ENKUR: variants seen among roughly 807,000 people sequenced by gnomAD.
The protein encoded by ENKUR is enkurin, TRPC channel interacting protein.
In ENKUR, 19 loss-of-function variants were observed where a neutral mutation model predicts 27.6. The ratio of observed to expected loss-of-function variants is 0.69; its 90% CI spans 0.48 to 1.01. The LOEUF is 1.01. ENKUR is among the 50% of genes least tolerant of loss of function. The pLI is 0.00. For missense variants in ENKUR, 312 were observed against 310.5 expected (o/e 1.00, Z -0.04); for synonymous variants, 117 against 96.9 (o/e 1.21, Z -1.22).
At chr10:24,989,199 T>C (rs1308197198) in intron 4 of ENKUR, among the ~76,000 whole-genome samples, 1 of 152,186 alleles carries the variant, frequency 6.6e-6, no homozygotes, top group Non-Finnish European at 1.5e-5. Context: ...AGAGACAGAA[T>C]GGGCCACAGA....
At chr10:24,996,332 G>T (rs1365770192) in intron 2 of ENKUR, among the ~76,000 whole-genome samples, 1 of 152,150 alleles carries the variant, frequency 6.6e-6, no homozygotes, top group Admixed American at 6.5e-5. Context: ...TGAGGTGGGA[G>T]GATTGCTTCA....
chr10:24,989,415 C>A (rs1849876435), intron 4 of ENKUR, among the ~76,000 whole-genome samples: 1 of 152,168 alleles, frequency 6.6e-6, no homozygotes. Context: ...CTGGGACATG[C>A]CGTCACTCTA....
At chr10:24,991,059 T>C (rs1208323323) in intron 3 of ENKUR, among the ~76,000 whole-genome samples, 1 of 152,194 alleles carries the variant, frequency 6.6e-6, no homozygotes, top group Non-Finnish European at 1.5e-5. Context: ...AAGGTGCCAC[T>C]GCACTCCAGC....
chr10:24,984,382 G>GGAA lies in ENKUR; in HGVS notation c.765-7_765-6insTTC. On this transcript the variant is annotated splice_polypyrimidine_tract_variant and splice_region_variant and intron_variant, in intron 5 of 5. Coordinates refer to ENST00000331161, the MANE Select transcript of ENKUR (RefSeq NM_145010.4). ...TGTGCTGTTGGTATCATGCGCTGCAGAAAAAAAAAAAAAAAAGTGAAGTTC... is the reference window on the plus strand; with the variant it reads ...TGTGCTGTTGGTATCATGCGCTGCAGGAAAAAAAAAAAAAAAAAAGTGAAGTTC... 7.2e-7 allele frequency: 1 copy of GGAA among 1,397,962 alleles called. No homozygotes were observed. Among genetic ancestry groups the GGAA allele is most frequent in the East Asian group, 2.6e-5 (1 of 38,296 alleles). The allele number at this position is 1,397,962 out of a possible 1,614,324, so 86.6% of individuals were successfully genotyped here.
intron 2 of ENKUR, among the ~76,000 whole-genome samples, chr10:25,045,989 T>G (rs936687264): frequency 6.6e-6 from 1 of 152,230 alleles, no homozygotes; most frequent in Non-Finnish European, 1.5e-5. Flanking sequence ...AGTTCAAATA[T>G]AATTTCCAGA....
At chr10:25,021,733 C>A (rs141182903) in intron 2 of ENKUR, 36 of 152,140 alleles carry the variant, frequency 2.4e-4, no homozygotes, top group African/African-American at 8.7e-4. Flanking sequence ...AAATTTTTTT[C>A]CATTATAGAC....
chr10:25,010,198 C>T (rs112932303), intron 1 of ENKUR, among the ~76,000 whole-genome samples: 38 of 152,160 alleles, frequency 2.5e-4, no homozygotes, highest in African/African-American at 4.1e-4. Context: ...TGGTTTCAGA[C>T]GGAGATGAGG....
At chr10:24,989,425 A>G (rs967652814) in intron 4 of ENKUR, among the ~76,000 whole-genome samples, 3 of 152,200 alleles carry the variant, frequency 2.0e-5, no homozygotes, top group Non-Finnish European at 2.9e-5. Flanking sequence ...CCGTCACTCT[A>G]CATTTTCAGG....
chr10:24,995,858 C>T lies in ENKUR; in HGVS notation c.235G>A (p.Asp79Asn), dbSNP rs1272817229. 5.0e-6 allele frequency: 8 copies of T among 1,603,158 alleles called. No individual in the cohort carries two copies. In the Admixed American group the frequency reaches 8.7e-5, roughly 17 times the overall value. The change falls in exon 3 of 6, where the codon GAT (aspartate) becomes AAT (asparagine). Residue 79 changes from aspartate to asparagine, a missense_variant. By Grantham distance (23) the Asp-to-Asn change is conservative. Coordinates refer to ENST00000331161, the MANE Select transcript of ENKUR (RefSeq NM_145010.4). ...GCAGGCTTTTTGGGCACGTTCCGAT[C>T]AAAGTTTTTTTCTGTTAAATATAAC... ...EKTLPPKKNF[D>N]RNVPKKPAVP...
At chr10:25,010,507 A>C (rs1850416960) in intron 1 of ENKUR, among the ~76,000 whole-genome samples, 1 of 151,762 alleles carries the variant, frequency 6.6e-6, no homozygotes, top group African/African-American at 2.4e-5. Flanking sequence ...GGTTAGTTAC[A>C]TATGTATACA....
At chr10:25,011,048 T>G (rs1423528654) in intron 1 of ENKUR, among the ~76,000 whole-genome samples, 1 of 148,312 alleles carries the variant, frequency 6.7e-6, no homozygotes, top group Non-Finnish European at 1.5e-5. Context: ...TGAACTAGTT[T>G]ACAGTCCCAC....
chr10:25,038,121 C>T (rs576545431), intron 2 of ENKUR, among the ~76,000 whole-genome samples: 32 of 152,218 alleles, frequency 2.1e-4, no homozygotes, highest in African/African-American at 7.2e-4. Context: ...TACCATTTTT[C>T]TTCAATATCT....
chr10:25,019,849 A>C (rs1240329166), upstream of ENKUR, among the ~76,000 whole-genome samples: 1 of 152,250 alleles, frequency 6.6e-6, no homozygotes, highest in African/African-American at 2.4e-5. Flanking sequence ...ATGATCATTC[A>C]ACAATATCCT....
upstream of ENKUR, among the ~76,000 whole-genome samples, chr10:25,018,161 ATAGT>A (rs1478007726): frequency 3.3e-5 from 5 of 152,242 alleles, no homozygotes; most frequent in African/African-American, 1.2e-4. Flanking sequence ...TCACTGTGGT[ATAGT>A]TAGTTTACAG....
intron 1 of ENKUR, among the ~76,000 whole-genome samples, chr10:25,002,441 A>AT (rs1342215146): frequency 6.6e-6 from 1 of 151,864 alleles, no homozygotes; most frequent in Non-Finnish European, 1.5e-5. Context: ...CTTTGTTTTA[A>AT]TTTTTTCTTC....
chr10:24,993,217 A>G (rs1849965378), intron 3 of ENKUR, among the ~76,000 whole-genome samples: 1 of 152,228 alleles, frequency 6.6e-6, no homozygotes, highest in Non-Finnish European at 1.5e-5. Flanking sequence ...AAAAGCTTCA[A>G]TGATCTGAAA....
intron 1 of ENKUR, among the ~76,000 whole-genome samples, chr10:25,009,127 G>T (rs182855055): frequency 2.0e-5 from 3 of 152,154 alleles, no homozygotes; most frequent in Admixed American, 2.0e-4. Context: ...GAGAGGGGAG[G>T]GATAGCATTA....
intron 2 of ENKUR, among the ~76,000 whole-genome samples, chr10:25,028,377 C>T (rs74122934): frequency 0.024 from 3,635 of 152,228 alleles, 139 homozygotes; most frequent in African/African-American, 0.083. Flanking sequence ...CCATTTCTGT[C>T]CCTTTCCCCG....
intron 2 of ENKUR, among the ~76,000 whole-genome samples, chr10:25,037,769 G>A (rs1234711836): frequency 2.0e-5 from 3 of 151,906 alleles, no homozygotes; most frequent in African/African-American, 7.3e-5. Flanking sequence ...TGGAATTCAG[G>A]ATTGACTTCA....
Sources: gnomAD v4.1 joint callset for allele counts (sites outside exome capture counted in the v4.1 genomes callset) on GRCh38, gnomAD v4.1.1 for gene constraint, MANE v1.5 for transcripts, NCBI Gene and HGNC (gene_info 2026-07-23, HGNC 2026-07-21) for gene names.